The following GALNT14 variants were observed in gnomAD, a reference collection of about 807,000 sequenced individuals.
The protein encoded by GALNT14 is polypeptide N-acetylgalactosaminyltransferase 14.
GALNT14 carries 60 observed loss-of-function variants against 77.5 expected under a neutral mutation model. That is an observed-to-expected ratio of 0.77 (90% CI 0.63 to 0.96). The LOEUF is 0.96. Among genes scored for constraint, GALNT14 ranks in the 40% least tolerant of loss-of-function variants. The pLI, the probability that GALNT14 is intolerant of heterozygous loss-of-function variation, is 0.00. For synonymous variants in GALNT14, 280 were observed against 281.7 expected, an observed-to-expected ratio of 0.99 and a Z score of 0.06; for missense variants, 710 against 731.0, an observed-to-expected ratio of 0.97 and a Z score of 0.33.
chr2:30,994,319 G>C (rs1460130343), intron 1 of GALNT14, among the ~76,000 whole-genome samples: 1 of 152,132 alleles, frequency 6.6e-6, no homozygotes, highest in Non-Finnish European at 1.5e-5. Flanking sequence ...TCCTGCACTC[G>C]GGAAACCTGA....
rs575765260 is a variant in GALNT14 at position 30,920,679 on chromosome 2, A to G, written c.1380+3440T>C. ...CACACACACATAGGCACACATACTC[A>G]GGGAGATTATCTTAGCTGGCATGGT... On this transcript the variant is annotated intron_variant, in intron 13 of 14. Coordinates refer to ENST00000349752, the MANE Select transcript of GALNT14 (RefSeq NM_024572.4). Among the ~76,000 whole-genome samples, 95 of 152,114 alleles carry G rather than the reference A, an allele frequency of 6.2e-4. No homozygotes were observed. The South Asian group carries it at 0.015, about 24-fold the overall frequency.
intron 1 of GALNT14, chr2:31,114,806 T>G (rs1244246174): frequency 5.6e-6 from 4 of 717,428 alleles, no homozygotes; most frequent in Non-Finnish European, 5.2e-6. Context: ...ACATGGGAAA[T>G]GACATACAGC....
intron 1 of GALNT14, among the ~76,000 whole-genome samples, chr2:31,094,941 G>T (rs993803119): frequency 1.3e-5 from 2 of 152,162 alleles, no homozygotes; most frequent in African/African-American, 4.8e-5. Context: ...ACAGCCACAA[G>T]ATAGGAATAT....
At chr2:31,085,139 C>G (rs892637524) in intron 1 of GALNT14, among the ~76,000 whole-genome samples, 29 of 152,162 alleles carry the variant, frequency 1.9e-4, no homozygotes, top group Non-Finnish European at 7.3e-5. Context: ...CAGGTAAAGC[C>G]AAATGAAAGC....
Position 31,138,116 on chromosome 2 carries a change from G to A in GALNT14, c.-30C>T, listed in dbSNP as rs1178282736. The stretch of plus-strand genomic sequence containing the variant: ...CCCTTTGCCGCTTCCTCTCCGCGGC[G>A]CTACGTCCCGGGGGCACCCCCCGGC... On this transcript the variant is annotated 5_prime_UTR_variant, in exon 1 of 15. Transcript: ENST00000349752. 6.2e-7 allele frequency: 1 copy of A among 1,613,102 alleles called. No homozygotes were observed. The highest frequency in any genetic ancestry group is 1.7e-5 in the Admixed American group (1 of 59,996).
chr2:31,129,714 C>G, intron 1 of GALNT14: 24 of 777,058 alleles, frequency 3.1e-5, no homozygotes, highest in Non-Finnish European at 3.7e-5. Flanking sequence ...GTCTCTATGG[C>G]TGGGAGGTGG....
chr2:31,106,793 A>C (rs1336642933), intron 1 of GALNT14, among the ~76,000 whole-genome samples: 1 of 152,130 alleles, frequency 6.6e-6, no homozygotes, highest in Non-Finnish European at 1.5e-5. Flanking sequence ...CATTGCTTCT[A>C]ATCTACCAAT....
At chr2:31,023,473 C>G (rs1054616221) in intron 1 of GALNT14, among the ~76,000 whole-genome samples, 5 of 152,124 alleles carry the variant, frequency 3.3e-5, no homozygotes, top group African/African-American at 1.2e-4. Context: ...AATACCCTCC[C>G]TCCCCTCAGC....
At chr2:30,987,403 A>G (rs6543590) in intron 2 of GALNT14, among the ~76,000 whole-genome samples, 109,134 of 152,028 alleles carry the variant, frequency 0.72, 40,161 homozygotes, top group African/African-American at 0.88. Context: ...TGGAAATCCT[A>G]AGAAAGGCTC....
chr2:30,933,311 T>G (rs1665856059), intron 9 of GALNT14, among the ~76,000 whole-genome samples: 1 of 152,196 alleles, frequency 6.6e-6, no homozygotes, highest in Non-Finnish European at 1.5e-5. Context: ...TATTCTGGTC[T>G]GGCTGATGCT....
chr2:31,057,829 C>T (rs1438310845), intron 1 of GALNT14, among the ~76,000 whole-genome samples: 2 of 152,110 alleles, frequency 1.3e-5, no homozygotes, highest in Non-Finnish European at 2.9e-5. Context: ...CTAACCCATC[C>T]CCTGGCCTCT....
chr2:31,130,688 G>C (rs987935035), intron 1 of GALNT14, among the ~76,000 whole-genome samples: 5 of 151,018 alleles, frequency 3.3e-5, no homozygotes, highest in Non-Finnish European at 1.5e-5. Flanking sequence ...CAAAATACCA[G>C]AGCCAGCACA....
At chr2:30,992,686 T>G in intron 2 of GALNT14, 152 bp downstream of exon 2, 2 of 914,614 alleles carry the variant, frequency 2.2e-6, no homozygotes, top group Non-Finnish European at 3.4e-6. Flanking sequence ...CCAGGGTCAA[T>G]CACCAAATCC....
At chr2:31,029,824 AT>A (rs1320950605) in intron 1 of GALNT14, among the ~76,000 whole-genome samples, 1 of 152,110 alleles carries the variant, frequency 6.6e-6, no homozygotes, top group Non-Finnish European at 1.5e-5. Context: ...GACTACTATA[AT>A]TTTTTTGTAT....
At chr2:31,033,723 C>T (rs1343698860) in intron 1 of GALNT14, among the ~76,000 whole-genome samples, 1 of 152,134 alleles carries the variant, frequency 6.6e-6, no homozygotes, top group African/African-American at 2.4e-5. Flanking sequence ...ATCCTATCCC[C>T]AGCCCATTCC....
intron 1 of GALNT14, among the ~76,000 whole-genome samples, chr2:31,066,207 C>T (rs1176463307): frequency 6.6e-6 from 1 of 152,124 alleles, no homozygotes; most frequent in African/African-American, 2.4e-5. Flanking sequence ...TGCTTTGCAT[C>T]GGCTCCTCAG....
intron 6 of GALNT14, among the ~76,000 whole-genome samples, chr2:30,947,001 T>C (rs1057050130): frequency 1.3e-5 from 2 of 152,152 alleles, no homozygotes; most frequent in African/African-American, 4.8e-5. Flanking sequence ...AACAGAATCA[T>C]CACCTGTCTT....
chr2:31,016,798 C>A (rs1671396095), intron 1 of GALNT14, among the ~76,000 whole-genome samples: 1 of 152,174 alleles, frequency 6.6e-6, no homozygotes, highest in African/African-American at 2.4e-5. Context: ...GCTTCCCTCA[C>A]TCCCCTCCTC....
the GALNT14 span, among the ~76,000 whole-genome samples, chr2:30,904,468 A>G: frequency 0.37 from 55,607 of 151,938 alleles, 10,625 homozygotes; most frequent in African/African-American, 0.49. Flanking sequence ...CTGGAAAATC[A>G]GGTCACTCCC....
Sources: gnomAD v4.1 joint callset for allele counts (sites outside exome capture counted in the v4.1 genomes callset) on GRCh38, gnomAD v4.1.1 for gene constraint, MANE v1.5 for transcripts, NCBI Gene and HGNC (gene_info 2026-07-23, HGNC 2026-07-21) for gene names.